CELF2: variants seen among roughly 807,000 people sequenced by gnomAD.
CELF2 encodes CUGBP Elav-like family member 2, also known as CUG triplet repeat RNA-binding protein 2.
Under a neutral mutation model 62.6 loss-of-function variants are expected in CELF2, and 8 were observed. That is an observed-to-expected ratio of 0.13 (90% confidence interval 0.07 to 0.23). The LOEUF is 0.23. CELF2 is among the 10% of genes least tolerant of loss of function. The pLI is 1.00. For synonymous variants in CELF2, 258 were observed against 250.0 expected (o/e 1.03, Z -0.30); for missense variants, 333 against 671.0 (o/e 0.50, Z 5.56).
At chr10:11,073,263 A>G (rs1332748233) in intron 1 of CELF2, among the ~76,000 whole-genome samples, 2 of 152,164 alleles carry the variant, frequency 1.3e-5, no homozygotes, top group Non-Finnish European at 2.9e-5. Context: ...CTTTCAAATT[A>G]TGTAGCATTT....
chr10:11,012,193 T>C lies in CELF2; in HGVS notation c.53+6753T>C, dbSNP rs962309579. ...CAAGTCTGGTTCTTAAGCCTCAAAA[T>C]GTCTTCACTCAGTCTGAAAGCAGTG... On this transcript the variant is annotated intron_variant, in intron 1 of 12. Transcript: ENST00000416382. The surrounding 1 kb of genome is among the most constrained non-coding windows in gnomAD (Gnocchi z 5.5). 3.3e-5 allele frequency among the ~76,000 whole-genome samples: 5 copies of C among 152,236 alleles called. No homozygotes were observed. The highest frequency in any genetic ancestry group is 6.5e-5 in the Admixed American group (1 of 15,290).
intron 1 of CELF2, among the ~76,000 whole-genome samples, chr10:11,023,975 C>T (rs1230607643): frequency 6.6e-6 from 1 of 152,170 alleles, no homozygotes; most frequent in Non-Finnish European, 1.5e-5. Flanking sequence ...TTTATTTACT[C>T]CATTTGAGTG....
At chr10:10,494,005 T>A in the CELF2 span, among the ~76,000 whole-genome samples, 15 of 152,180 alleles carry the variant, frequency 9.9e-5, no homozygotes, top group South Asian at 2.9e-3. Context: ...TCATGGTTCT[T>A]TGTTCTCAGG....
chr10:10,761,290 A>G, the CELF2 span, among the ~76,000 whole-genome samples: 2 of 152,350 alleles, frequency 1.3e-5, no homozygotes, highest in Middle Eastern at 3.4e-3. Flanking sequence ...TACAGTTTTC[A>G]GGAATACCTG....
intron 2 of CELF2, among the ~76,000 whole-genome samples, chr10:11,182,064 A>T (rs1262043660): frequency 1.3e-5 from 2 of 152,218 alleles, no homozygotes; most frequent in African/African-American, 4.8e-5. Flanking sequence ...TTTAAAATAA[A>T]ATAAGGAAGG....
the CELF2 span, among the ~76,000 whole-genome samples, chr10:10,675,918 T>A: frequency 6.6e-6 from 1 of 152,232 alleles, no homozygotes; most frequent in South Asian, 2.1e-4. Context: ...TTGTTTTAAA[T>A]TCCCTCTCTG....
At chr10:10,481,446 C>A in the CELF2 span, among the ~76,000 whole-genome samples, 1 of 152,128 alleles carries the variant, frequency 6.6e-6, no homozygotes, top group Non-Finnish European at 1.5e-5. Flanking sequence ...CATAAACAGA[C>A]TTCTTTGGGG....
chr10:10,926,315 A>C (rs994664016), intron 2 of CELF2, among the ~76,000 whole-genome samples: 4 of 152,040 alleles, frequency 2.6e-5, no homozygotes, highest in African/African-American at 7.3e-5. Context: ...GTGGGGGCAG[A>C]TTCACTCCTT....
the CELF2 span, among the ~76,000 whole-genome samples, chr10:10,763,456 G>C: frequency 6.6e-6 from 1 of 152,122 alleles, no homozygotes; most frequent in East Asian, 1.9e-4. Flanking sequence ...ACGCTGCCCC[G>C]GTCAGGAAAA....
In CELF2 at chr10:11,214,565, C is replaced by T. The variant is rs1453885667; in HGVS notation, c.272-2860C>T. On this transcript the variant is annotated intron_variant, in intron 2 of 12. Transcript: ENST00000633077. This position sits in a 1 kb window ranked among gnomAD's most constrained non-coding sequence, Gnocchi z 4.2. ...GCTACGCCCACCTGGAGATGGGATC[C>T]CCTCTTGGAATCGGCACAAAGGCTC... Among the ~76,000 whole-genome samples the T allele has an allele frequency of 6.6e-6, 1 of 152,172 alleles. No homozygotes were observed. Among genetic ancestry groups the T allele is most frequent in the Non-Finnish European group, 1.5e-5 (1 of 68,036 alleles).
At chr10:10,566,841 T>A in the CELF2 span, among the ~76,000 whole-genome samples, 2 of 152,164 alleles carry the variant, frequency 1.3e-5, no homozygotes, top group African/African-American at 4.8e-5. Flanking sequence ...TTGTTTTGGC[T>A]TCTTGAAAAT....
intron 2 of CELF2, among the ~76,000 whole-genome samples, chr10:10,923,276 TGTG>T (rs2134792848): frequency 6.6e-6 from 1 of 152,330 alleles, no homozygotes; most frequent in Admixed American, 6.5e-5. Flanking sequence ...ACTAGTGATA[TGTG>T]GCTGGGAAGG....
In CELF2 at chr10:11,018,142, G is replaced by T; in HGVS notation, c.53G>T (p.Arg18Leu). Residue 18 changes from arginine (R) to leucine (L), a missense_variant, in exon 1 of 13, where the codon CGC becomes CTC. By Grantham distance (102) the Arg-to-Leu change is moderately radical. Transcript: ENST00000633077. Reference sequence around the variant, plus strand: ...CTCCCGGACATGATGGTCGAGGGCCGCCTGCTCGTTCCTGACAGAATGTGA... The same window carrying T: ...CTCCCGGACATGATGGTCGAGGGCCTCCTGCTCGTTCCTGACAGAATGTGA... The part of the protein sequence containing the change: ...DFLPDMMVEG[R>L]LLVPDRINGT... 1 of 1,522,308 alleles carries T rather than the reference G, an allele frequency of 6.6e-7. No homozygotes were observed. Among genetic ancestry groups the T allele is most frequent in the Non-Finnish European group, 8.8e-7 (1 of 1,132,614 alleles). 94.3% of individuals were successfully genotyped at this position (1,522,308 alleles called of 1,614,324 possible).
At chr10:10,647,962 C>T in the CELF2 span, among the ~76,000 whole-genome samples, 1 of 152,156 alleles carries the variant, frequency 6.6e-6, no homozygotes, top group Non-Finnish European at 1.5e-5. Flanking sequence ...GCATTTTGAT[C>T]CACTTCCTTC....
chr10:11,301,710 C>T (rs1001103884), intron 9 of CELF2, among the ~76,000 whole-genome samples: 22 of 150,700 alleles, frequency 1.5e-4, no homozygotes, highest in Admixed American at 1.5e-3. Flanking sequence ...CTGGCCCTGG[C>T]CCGGTGGCAC....
chr10:11,054,165 G>A (rs948829467), intron 1 of CELF2, among the ~76,000 whole-genome samples: 4 of 152,190 alleles, frequency 2.6e-5, no homozygotes, highest in Non-Finnish European at 4.4e-5. Context: ...CATATAGGAA[G>A]TGCAGAATAA....
At chr10:10,881,809 G>A (rs375177289) in intron 1 of CELF2, among the ~76,000 whole-genome samples, 48 of 152,198 alleles carry the variant, frequency 3.2e-4, no homozygotes, top group African/African-American at 9.4e-4. Context: ...CAAAACTGCC[G>A]CTGCCTAACA....
chr10:11,113,191 GATAGTGATTCTTGCCAAGGTAATAT>G (rs1332968842), intron 1 of CELF2, among the ~76,000 whole-genome samples: 1 of 152,178 alleles, frequency 6.6e-6, no homozygotes, highest in East Asian at 1.9e-4. Flanking sequence ...TTCTAACCTG[GATAGTGATTCTTGCCAAGGTAATAT>G]ATAAGCACTT....
At chr10:11,195,585 T>A (rs1015144632) in intron 2 of CELF2, among the ~76,000 whole-genome samples, 1 of 152,216 alleles carries the variant, frequency 6.6e-6, no homozygotes, top group African/African-American at 2.4e-5. Flanking sequence ...GAGTTTTGAC[T>A]GGCGTCTGAT....
Sources: gnomAD v4.1 joint callset for allele counts (sites outside exome capture counted in the v4.1 genomes callset) on GRCh38, gnomAD v4.1.1 for gene constraint, Gnocchi (gnomAD v3.1) non-coding constraint, MANE v1.5 for transcripts, NCBI Gene and HGNC (gene_info 2026-07-23, HGNC 2026-07-21) for gene names.